ROBO2: variants seen among roughly 807,000 people sequenced by gnomAD.
ROBO2 encodes the protein roundabout guidance receptor 2.
ROBO2 carries 53 observed loss-of-function variants against 160.8 expected under a neutral mutation model. That is an observed-to-expected ratio of 0.33 (90% CI 0.26 to 0.41). The LOEUF is 0.41. Among genes scored for constraint, ROBO2 ranks in the 10% least tolerant of loss-of-function variants. ROBO2 has a pLI of 1.00. For synonymous variants in ROBO2, 664 were observed against 611.7 expected (o/e 1.09, Z -1.26); for missense variants, 1,577 against 1,722.4 (o/e 0.92, Z 1.49).
At chr3:76,158,949 T>C (rs1314159700) in intron 2 of ROBO2, among the ~76,000 whole-genome samples, 1 of 152,168 alleles carries the variant, frequency 6.6e-6, no homozygotes, top group African/African-American at 2.4e-5. Context: ...ACAGTGAAAC[T>C]TGAGAACTGC....
chr3:76,871,222 G>T (rs1054535509), intron 2 of ROBO2, among the ~76,000 whole-genome samples: 1 of 152,180 alleles, frequency 6.6e-6, no homozygotes, highest in Non-Finnish European at 1.5e-5. Context: ...TCTGCACTTT[G>T]TGAAGATTTG....
intron 2 of ROBO2, among the ~76,000 whole-genome samples, chr3:76,144,247 C>T (rs1034027932): frequency 6.6e-6 from 1 of 151,826 alleles, no homozygotes; most frequent in Non-Finnish European, 1.5e-5. Context: ...AAAAGGCATT[C>T]CTAATTATCT....
intron 2 of ROBO2, among the ~76,000 whole-genome samples, chr3:76,624,465 T>C (rs1409618338): frequency 6.6e-6 from 1 of 152,078 alleles, no homozygotes; most frequent in Non-Finnish European, 1.5e-5. Context: ...GAAATGGTAT[T>C]TCTCATTGCC....
chr3:76,597,329 G>A (rs1219067137), intron 2 of ROBO2, among the ~76,000 whole-genome samples: 1 of 151,916 alleles, frequency 6.6e-6, no homozygotes, highest in Non-Finnish European at 1.5e-5. Flanking sequence ...AAAAGCCAAA[G>A]CTTGAGAGAA....
chr3:76,274,119 T>C (rs1451975146), intron 2 of ROBO2, among the ~76,000 whole-genome samples: 1 of 152,196 alleles, frequency 6.6e-6, no homozygotes, highest in African/African-American at 2.4e-5. Context: ...CAATGGCAAT[T>C]AAATGTTATC....
chr3:76,357,913 T>C (rs2075275076), intron 2 of ROBO2, among the ~76,000 whole-genome samples: 1 of 150,018 alleles, frequency 6.7e-6, no homozygotes. Context: ...TATATATAAA[T>C]TTTAAATATG....
At chr3:77,130,250 C>G (rs1385312574) in intron 2 of ROBO2, among the ~76,000 whole-genome samples, 1 of 152,140 alleles carries the variant, frequency 6.6e-6, no homozygotes, top group South Asian at 2.1e-4. Context: ...TGCAAAGCTT[C>G]TTGCCTCACC....
intron 2 of ROBO2, among the ~76,000 whole-genome samples, chr3:76,810,394 C>G (rs1411489044): frequency 6.6e-6 from 1 of 151,690 alleles, no homozygotes; most frequent in Non-Finnish European, 1.5e-5. Flanking sequence ...ATATTGAATT[C>G]TGGGTGAAAG....
At chr3:77,423,967 T>C (rs903641208) in intron 2 of ROBO2, among the ~76,000 whole-genome samples, 17 of 152,164 alleles carry the variant, frequency 1.1e-4, no homozygotes, top group African/African-American at 3.9e-4. Context: ...TCAGTAACTT[T>C]TTTTCTTTGA....
intron 2 of ROBO2, among the ~76,000 whole-genome samples, chr3:76,579,583 G>A (rs1295481810): frequency 6.6e-6 from 1 of 151,932 alleles, no homozygotes; most frequent in African/African-American, 2.4e-5. Flanking sequence ...GAGAAAGAGT[G>A]AGATTTTATC....
chr3:76,262,662 T>C (rs1487229952), intron 2 of ROBO2, among the ~76,000 whole-genome samples: 1 of 152,148 alleles, frequency 6.6e-6, no homozygotes, highest in Non-Finnish European at 1.5e-5. Flanking sequence ...GTTAAACTTA[T>C]TGCAGACAAA....
chr3:75,986,735 C>T (rs1186971335), intron 2 of ROBO2, among the ~76,000 whole-genome samples: 7 of 151,480 alleles, frequency 4.6e-5, no homozygotes, highest in Non-Finnish European at 8.9e-5. Context: ...TAGTGTTATA[C>T]GAGGGTCCAA....
chr3:76,261,045 AG>A (rs1483475623), intron 2 of ROBO2, among the ~76,000 whole-genome samples: 2 of 152,074 alleles, frequency 1.3e-5, no homozygotes, highest in Admixed American at 6.6e-5. Flanking sequence ...GAGTTGGGGA[AG>A]GAACAACTAG....
At chr3:77,101,000 T>C (rs900611716) in intron 2 of ROBO2, among the ~76,000 whole-genome samples, 2 of 152,162 alleles carry the variant, frequency 1.3e-5, no homozygotes, top group Non-Finnish European at 2.9e-5. Flanking sequence ...TGTCTGGATA[T>C]GAGGTTGAGA....
At chr3:76,532,972 A>C (rs2082307896) in intron 2 of ROBO2, among the ~76,000 whole-genome samples, 1 of 152,236 alleles carries the variant, frequency 6.6e-6, no homozygotes, top group Non-Finnish European at 1.5e-5. Context: ...GAAAGAAAAT[A>C]ATCCATCCTA....
chr3:77,116,488 G>A (rs1308843673), intron 2 of ROBO2, among the ~76,000 whole-genome samples: 1 of 152,154 alleles, frequency 6.6e-6, no homozygotes, highest in Non-Finnish European at 1.5e-5. Flanking sequence ...TGAGAACTGT[G>A]TGATGTAGCC....
At chr3:76,129,513 A>G (rs780321326) in intron 2 of ROBO2, among the ~76,000 whole-genome samples, 5 of 152,160 alleles carry the variant, frequency 3.3e-5, no homozygotes, top group Non-Finnish European at 7.4e-5. Flanking sequence ...TTAGAGCACA[A>G]TGAGTGTTTT....
At chr3:77,461,789 A>G (rs919143191) in intron 2 of ROBO2, among the ~76,000 whole-genome samples, 1 of 150,736 alleles carries the variant, frequency 6.6e-6, no homozygotes, top group African/African-American at 2.4e-5. Context: ...GTGCAGTGGC[A>G]CTATCTTGGC....
chr3:75,980,643 A>G (rs554913255), intron 2 of ROBO2, among the ~76,000 whole-genome samples: 1 of 151,640 alleles, frequency 6.6e-6, no homozygotes, highest in East Asian at 2.0e-4. Context: ...AATTACATAA[A>G]GCATCTAAAC....
Sources: allele counts gnomAD v4.1 joint callset (sites outside exome capture counted in the v4.1 genomes callset), GRCh38; gene constraint gnomAD v4.1.1; transcripts MANE v1.5; gene names NCBI Gene and HGNC (gene_info 2026-07-23, HGNC 2026-07-21).